Variants in RNF13 observed in about 807,000 individuals in gnomAD.
RNF13 encodes the protein E3 ubiquitin-protein ligase RNF13.
A neutral mutation model predicts 37.7 loss-of-function variants in RNF13; 19 were observed. The ratio of observed to expected loss-of-function variants is 0.50; its 90% CI spans 0.35 to 0.74. RNF13 has a LOEUF of 0.74. Among genes scored for constraint, RNF13 ranks in the 30% least tolerant of loss-of-function variants. The pLI is 0.01. For synonymous variants in RNF13, 144 were observed against 157.8 expected (o/e 0.91, Z 0.65); for missense variants, 375 against 453.0 (o/e 0.83, Z 1.56).
At chr3:149,885,071 A>T (rs1007591961) in intron 4 of RNF13, among the ~76,000 whole-genome samples, 1 of 152,030 alleles carries the variant, frequency 6.6e-6, no homozygotes, top group Non-Finnish European at 1.5e-5. Context: ...ATTTTTTCTA[A>T]TGGCTGAATA....
chr3:149,856,751 T>C (rs889703901), intron 3 of RNF13, among the ~76,000 whole-genome samples: 1 of 152,104 alleles, frequency 6.6e-6, no homozygotes, highest in African/African-American at 2.4e-5. Flanking sequence ...CCAAAATATC[T>C]TACTTTTTTT....
chr3:149,914,366 T>G (rs1717287778), intron 7 of RNF13, among the ~76,000 whole-genome samples: 1 of 152,138 alleles, frequency 6.6e-6, no homozygotes, highest in Non-Finnish European at 1.5e-5. Flanking sequence ...GGGGACATTA[T>G]AGATTTTTAT....
intron 3 of RNF13, among the ~76,000 whole-genome samples, chr3:149,871,418 G>T (rs1271386690): frequency 1.3e-5 from 2 of 148,968 alleles, no homozygotes; most frequent in Non-Finnish European, 3.0e-5. Context: ...TAAATTCATG[G>T]TTATCTCGTG....
At chr3:149,879,234 A>T (rs543501087) in intron 4 of RNF13, among the ~76,000 whole-genome samples, 23 of 152,202 alleles carry the variant, frequency 1.5e-4, no homozygotes, top group African/African-American at 5.5e-4. Context: ...CTCAATACTT[A>T]GTTTAAGAGA....
At chr3:149,953,632 TA>T (rs111629117) in intron 8 of RNF13, among the ~76,000 whole-genome samples, 153 of 152,314 alleles carry the variant, frequency 1.0e-3, no homozygotes, top group African/African-American at 3.5e-3. Context: ...TCTACATACA[TA>T]ACCTAGGAGG....
At chr3:149,927,702 C>T (rs191610934) in intron 8 of RNF13, among the ~76,000 whole-genome samples, 36 of 152,252 alleles carry the variant, frequency 2.4e-4, no homozygotes, top group Admixed American at 2.4e-3. Context: ...ATTTGCATTT[C>T]CCTACTGACT....
intron 1 of RNF13, chr3:149,822,412 T>C (rs527711460): frequency 6.6e-6 from 1 of 152,280 alleles, no homozygotes; most frequent in African/African-American, 2.4e-5. Context: ...TTTTTCTTAA[T>C]TTAATTTTTG....
chr3:149,955,832 T>C (rs1721809759), intron 8 of RNF13, among the ~76,000 whole-genome samples: 1 of 152,246 alleles, frequency 6.6e-6, no homozygotes, highest in Non-Finnish European at 1.5e-5. Context: ...TAGTTTGGTA[T>C]AGAACTGAAC....
intron 4 of RNF13, among the ~76,000 whole-genome samples, chr3:149,880,211 G>A (rs1011559419): frequency 1.3e-5 from 2 of 152,128 alleles, no homozygotes; most frequent in African/African-American, 4.8e-5. Flanking sequence ...TCCTCTTGTT[G>A]CACAGAAAGT....
chr3:149,845,456 GA>G (rs1722552781), intron 1 of RNF13, among the ~76,000 whole-genome samples: 1 of 152,124 alleles, frequency 6.6e-6, no homozygotes, highest in Admixed American at 6.5e-5. Context: ...CAGACGTAGA[GA>G]GGGGAAAAAA....
At chr3:149,899,070 G>C (rs9876030) in intron 5 of RNF13, among the ~76,000 whole-genome samples, 1 of 152,078 alleles carries the variant, frequency 6.6e-6, no homozygotes, top group Non-Finnish European at 1.5e-5. Context: ...GGGAGGGAGT[G>C]GGGGGATAAG....
At chr3:149,907,148 A>G (rs547550468) in intron 6 of RNF13, among the ~76,000 whole-genome samples, 2 of 152,270 alleles carry the variant, frequency 1.3e-5, no homozygotes, top group African/African-American at 4.8e-5. Context: ...ATAACCTGCA[A>G]TTTGACTAAA....
At chr3:149,824,201 A>C (rs1720259266) in intron 1 of RNF13, among the ~76,000 whole-genome samples, 1 of 152,238 alleles carries the variant, frequency 6.6e-6, no homozygotes, top group Non-Finnish European at 1.5e-5. Context: ...TAAATGAATA[A>C]ATTAGAATGT....
intron 8 of RNF13, among the ~76,000 whole-genome samples, chr3:149,946,569 T>C (rs531309067): frequency 1.3e-5 from 2 of 152,370 alleles, no homozygotes; most frequent in Admixed American, 6.5e-5. Context: ...TTTCTAGGAA[T>C]TTATCCATTT....
At chr3:149,877,698 A>G (rs1169514370) in intron 4 of RNF13, among the ~76,000 whole-genome samples, 4 of 152,010 alleles carry the variant, frequency 2.6e-5, no homozygotes, top group Non-Finnish European at 5.9e-5. Context: ...AAGTCATTTA[A>G]TATCATTTAA....
At chr3:149,816,219 G>A (rs1719435419) in intron 1 of RNF13, among the ~76,000 whole-genome samples, 1 of 152,038 alleles carries the variant, frequency 6.6e-6, no homozygotes, top group Admixed American at 6.6e-5. Context: ...TTTCTAAGTG[G>A]GAAGTGGGGG....
intron 4 of RNF13, among the ~76,000 whole-genome samples, chr3:149,891,674 A>T (rs1271249297): frequency 6.6e-6 from 1 of 152,254 alleles, no homozygotes; most frequent in Non-Finnish European, 1.5e-5. Context: ...TTGCCAATAC[A>T]ATTTAGAAGG....
intron 6 of RNF13, among the ~76,000 whole-genome samples, chr3:149,904,936 A>T (rs564690903): frequency 1.3e-5 from 2 of 152,228 alleles, no homozygotes; most frequent in South Asian, 4.1e-4. Context: ...GATATTCTTC[A>T]TTCTTTTGTA....
At chr3:149,939,298 C>A (rs1384643829) in intron 8 of RNF13, 1 of 465,600 alleles carries the variant, frequency 2.1e-6, no homozygotes, top group East Asian at 5.3e-5. Context: ...TCATCATCGT[C>A]ATTTTCATCA....
Sources: allele counts gnomAD v4.1 joint callset (sites outside exome capture counted in the v4.1 genomes callset), GRCh38; gene constraint gnomAD v4.1.1; transcripts MANE v1.5; gene names NCBI Gene and HGNC (gene_info 2026-07-23, HGNC 2026-07-21).